BMPR1B: variants seen among roughly 807,000 people sequenced by gnomAD.
BMPR1B encodes the protein bone morphogenetic protein receptor type 1B.
A neutral mutation model predicts 59.1 loss-of-function variants in BMPR1B; 12 were observed. That is an observed-to-expected ratio of 0.20 (90% CI 0.13 to 0.33). The LOEUF is 0.33. Among genes scored for constraint, BMPR1B ranks in the 10% least tolerant of loss-of-function variants. The probability of loss-of-function intolerance (pLI) is 1.00; values close to 1 mark genes in which losing one functional copy is unlikely to be tolerated. For synonymous variants in BMPR1B, 237 were observed against 207.3 expected, an observed-to-expected ratio of 1.14 and a Z score of -1.23; for missense variants, 550 against 610.9, an observed-to-expected ratio of 0.90 and a Z score of 1.05.
Position 95,032,550 on chromosome 4 carries a change from C to A in BMPR1B, c.-18+36416C>A, listed in dbSNP as rs563543215. On this transcript the variant is annotated intron_variant, in intron 3 of 12. Transcript: ENST00000515059. ...CTATTTTCCCTCTCCTAGCTCCTGG[C>A]AACAACCATTCTACTTTCTGTCTCT... Among the ~76,000 whole-genome samples the A allele has an allele frequency of 2.3e-4, 35 of 152,250 alleles. No individual in the cohort carries two copies. In the East Asian group the frequency reaches 5.8e-3, roughly 25 times the overall value.
At chr4:95,152,492 T>C in intron 11 of BMPR1B, 151 bp from the exon 12 acceptor site, 2 of 601,054 alleles carry the variant, frequency 3.3e-6, no homozygotes, top group South Asian at 4.0e-5. Flanking sequence ...ACCATTTGGG[T>C]AAATATTTTT....
At chr4:94,951,387 C>T (rs972064117) in intron 2 of BMPR1B, among the ~76,000 whole-genome samples, 8 of 152,116 alleles carry the variant, frequency 5.3e-5, no homozygotes, top group Non-Finnish European at 1.2e-4. Flanking sequence ...TTTGCCCATT[C>T]AGTATGATAT....
At chr4:94,914,863 C>G (rs750975593) in intron 2 of BMPR1B, among the ~76,000 whole-genome samples, 8 of 152,078 alleles carry the variant, frequency 5.3e-5, no homozygotes, top group Non-Finnish European at 8.8e-5. Context: ...GTCAACAACT[C>G]TCTCTCCTGT....
intron 3 of BMPR1B, among the ~76,000 whole-genome samples, chr4:95,088,280 T>C (rs1054563705): frequency 6.6e-6 from 1 of 152,158 alleles, no homozygotes; most frequent in African/African-American, 2.4e-5. Context: ...TCATAACTAA[T>C]GGTCTCTCTG....
At chr4:94,905,013 T>C (rs1043239637) in intron 2 of BMPR1B, among the ~76,000 whole-genome samples, 19 of 152,084 alleles carry the variant, frequency 1.2e-4, no homozygotes, top group African/African-American at 4.1e-4. Context: ...TTTCTATTTT[T>C]GGCAAACACC....
chr4:95,120,679 TTTTC>T (rs753476921), intron 6 of BMPR1B, among the ~76,000 whole-genome samples: 18 of 89,192 alleles, frequency 2.0e-4, no homozygotes, highest in South Asian at 6.6e-4. Context: ...CTTTCTTTTC[TTTTC>T]TTTCTTTCTT....
intron 2 of BMPR1B, among the ~76,000 whole-genome samples, chr4:94,880,635 A>ATTTTTTTT (rs35455973): frequency 8.0e-6 from 1 of 125,262 alleles, no homozygotes; most frequent in Non-Finnish European, 1.6e-5. Context: ...ATTAAAATGA[A>ATTTTTTTT]TTTTTTTTTT....
At chr4:94,901,054 C>A (rs1216378575) in intron 2 of BMPR1B, among the ~76,000 whole-genome samples, 1 of 151,966 alleles carries the variant, frequency 6.6e-6, no homozygotes, top group Non-Finnish European at 1.5e-5. Flanking sequence ...AGTTAGGTGT[C>A]CTTTTCTGTT....
chr4:95,113,416 A>G (rs1731772697), intron 4 of BMPR1B, among the ~76,000 whole-genome samples: 2 of 152,172 alleles, frequency 1.3e-5, no homozygotes, highest in South Asian at 4.1e-4. Flanking sequence ...GGGTGTTGAT[A>G]ATAACTGAAG....
At chr4:94,969,040 G>T (rs1453693913) in intron 2 of BMPR1B, among the ~76,000 whole-genome samples, 6 of 149,970 alleles carry the variant, frequency 4.0e-5, no homozygotes, top group Non-Finnish European at 8.9e-5. Context: ...TACTTTTTTT[G>T]TTGTTTTTTT....
At chr4:95,097,553 T>C (rs1016604570) in intron 3 of BMPR1B, among the ~76,000 whole-genome samples, 3 of 152,174 alleles carry the variant, frequency 2.0e-5, no homozygotes, top group Admixed American at 2.0e-4. Context: ...TTCTTTTTTT[T>C]GTTGAGACAG....
At chr4:94,893,130 A>T (rs1333570258) in intron 2 of BMPR1B, among the ~76,000 whole-genome samples, 1 of 152,100 alleles carries the variant, frequency 6.6e-6, no homozygotes, top group Non-Finnish European at 1.5e-5. Flanking sequence ...AATGTGAAAT[A>T]TGCTTAAAAT....
At chr4:95,017,461 A>C (rs1178449069) in intron 3 of BMPR1B, among the ~76,000 whole-genome samples, 2 of 152,218 alleles carry the variant, frequency 1.3e-5, no homozygotes, top group Admixed American at 1.3e-4. Context: ...AGTGTGGGCC[A>C]TATGGGGCCT....
intron 2 of BMPR1B, among the ~76,000 whole-genome samples, chr4:94,980,417 C>T (rs1731191872): frequency 6.6e-6 from 1 of 152,054 alleles, no homozygotes; most frequent in African/African-American, 2.4e-5. Context: ...ATGCCTTGTT[C>T]AGCATTGTTT....
At chr4:95,076,826 A>G (rs1728748775) in intron 3 of BMPR1B, among the ~76,000 whole-genome samples, 2 of 152,134 alleles carry the variant, frequency 1.3e-5, no homozygotes, top group African/African-American at 4.8e-5. Context: ...AAACATGGGA[A>G]TACAAAAACA....
At chr4:94,840,380 G>A (rs189799019) in intron 1 of BMPR1B, among the ~76,000 whole-genome samples, 1 of 137,804 alleles carries the variant, frequency 7.3e-6, no homozygotes, top group Non-Finnish European at 1.6e-5. Context: ...TCCATTCTCC[G>A]CGTCACTTTC....
intron 2 of BMPR1B, among the ~76,000 whole-genome samples, chr4:94,892,599 G>C (rs960953970): frequency 6.6e-6 from 1 of 152,032 alleles, no homozygotes; most frequent in Non-Finnish European, 1.5e-5. Flanking sequence ...CTATAACCCA[G>C]TAAAGAAGTA....
chr4:94,799,215 A>G (rs1210407821), intron 1 of BMPR1B, among the ~76,000 whole-genome samples: 1 of 149,268 alleles, frequency 6.7e-6, no homozygotes, highest in Non-Finnish European at 1.5e-5. Context: ...AAAAGACCTT[A>G]TCTTTGAGAT....
chr4:95,042,971 C>T (rs971789242), intron 3 of BMPR1B, among the ~76,000 whole-genome samples: 6 of 150,282 alleles, frequency 4.0e-5, no homozygotes, highest in Non-Finnish European at 7.4e-5. Flanking sequence ...GTCAGGAGAT[C>T]GAGACCATCC....
Sources: gnomAD v4.1 joint callset for allele counts (sites outside exome capture counted in the v4.1 genomes callset) on GRCh38, gnomAD v4.1.1 for gene constraint, MANE v1.5 for transcripts, NCBI Gene and HGNC (gene_info 2026-07-23, HGNC 2026-07-21) for gene names.